The following PPM1H variants were observed in gnomAD, a reference collection of about 807,000 sequenced individuals.
The protein encoded by PPM1H is protein phosphatase 1H.
A neutral mutation model predicts 54.9 loss-of-function variants in PPM1H; 27 were observed. The ratio of observed to expected loss-of-function variants is 0.49; its 90% CI spans 0.36 to 0.68. The LOEUF is 0.68. Among genes scored for constraint, PPM1H ranks in the 30% least tolerant of loss-of-function variants. The pLI, the probability that PPM1H is intolerant of heterozygous loss-of-function variation, is 0.00. For synonymous variants in PPM1H, 305 were observed against 270.8 expected (o/e 1.13, Z -1.24); for missense variants, 596 against 667.8 (o/e 0.89, Z 1.19).
chr12:62,840,724 G>A (rs538569509), intron 1 of PPM1H, among the ~76,000 whole-genome samples: 1 of 152,290 alleles, frequency 6.6e-6, no homozygotes, highest in African/African-American at 2.4e-5. Flanking sequence ...CTTGGTGAGG[G>A]AGCTACATCA....
chr12:62,724,350 C>T (rs765820854), intron 5 of PPM1H, among the ~76,000 whole-genome samples: 18 of 152,144 alleles, frequency 1.2e-4, no homozygotes, highest in South Asian at 8.3e-4. Flanking sequence ...AGATTTCAGG[C>T]GCTTTGCCTC....
chr12:62,921,125 A>T (rs1871785468), intron 1 of PPM1H, among the ~76,000 whole-genome samples: 1 of 151,942 alleles, frequency 6.6e-6, no homozygotes, highest in Admixed American at 6.5e-5. Flanking sequence ...GGGTTTTGCC[A>T]TGTTGGCCAG....
intron 6 of PPM1H, among the ~76,000 whole-genome samples, chr12:62,718,311 G>C (rs1205016304): frequency 6.6e-6 from 1 of 152,056 alleles, no homozygotes; most frequent in African/African-American, 2.4e-5. Flanking sequence ...CATGTTTTCT[G>C]CTTCTATCCC....
intron 1 of PPM1H, among the ~76,000 whole-genome samples, chr12:62,890,755 CATAT>C (rs1183191864): frequency 1.7e-5 from 2 of 115,136 alleles, no homozygotes; most frequent in Non-Finnish European, 4.0e-5. Flanking sequence ...CACACACACA[CATAT>C]ATATATATGA....
Position 62,764,260 on chromosome 12 carries a change from A to G in PPM1H, c.869+23966T>C, listed in dbSNP as rs183915954. The stretch of plus-strand genomic sequence containing the variant: ...GTGGAGGCACCGTCTAGGGACACCA[A>G]TGTCCCCTGGCTTATGTCCTATATT... On this transcript the variant is annotated intron_variant, in intron 4 of 9. Coordinates refer to ENST00000228705, the MANE Select transcript of PPM1H (RefSeq NM_020700.2). Among the ~76,000 whole-genome samples the G allele has an allele frequency of 5.9e-5, 9 of 152,264 alleles. No individual in the cohort carries two copies. The East Asian group carries it at 1.4e-3, about 23-fold the overall frequency.
chr12:62,698,032 T>C (rs2076123505), intron 6 of PPM1H, among the ~76,000 whole-genome samples: 1 of 152,190 alleles, frequency 6.6e-6, no homozygotes, highest in Non-Finnish European at 1.5e-5. Context: ...GGCATTATTC[T>C]CAGAAGTTTC....
chr12:62,832,308 G>C (rs1361669528), intron 1 of PPM1H, 29 bp from the exon 2 acceptor site: 2 of 1,583,392 alleles, frequency 1.3e-6, no homozygotes, highest in Non-Finnish European at 1.7e-6. Flanking sequence ...AAGCTGGTCA[G>C]ACAGACCGAT....
At chr12:62,668,267 CCCT>C (rs1175056853) in intron 8 of PPM1H, among the ~76,000 whole-genome samples, 1 of 152,158 alleles carries the variant, frequency 6.6e-6, no homozygotes, top group Non-Finnish European at 1.5e-5. Flanking sequence ...CACTGCTCTT[CCCT>C]CCTAATTTGG....
At chr12:62,721,605 G>T (rs1176896772) in intron 5 of PPM1H, among the ~76,000 whole-genome samples, 1 of 152,172 alleles carries the variant, frequency 6.6e-6, no homozygotes, top group African/African-American at 2.4e-5. Context: ...TTACAGAGAG[G>T]TTCTCCTGGG....
chr12:62,872,811 G>A (rs772108491), intron 1 of PPM1H, among the ~76,000 whole-genome samples: 21 of 152,228 alleles, frequency 1.4e-4, no homozygotes, highest in South Asian at 2.1e-4. Flanking sequence ...CAACTAAAAT[G>A]TATTTCCAGG....
At chr12:62,763,839 G>A (rs984539408) in intron 4 of PPM1H, among the ~76,000 whole-genome samples, 2 of 152,120 alleles carry the variant, frequency 1.3e-5, no homozygotes, top group African/African-American at 4.8e-5. Context: ...CATTTGCTGA[G>A]CTTGCTACCA....
At chr12:62,859,441 G>C (rs770114057) in intron 1 of PPM1H, among the ~76,000 whole-genome samples, 1 of 152,128 alleles carries the variant, frequency 6.6e-6, no homozygotes, top group African/African-American at 2.4e-5. Flanking sequence ...AAACAGCATG[G>C]TGCATTATCT....
At chr12:62,677,437 T>C (rs1300873816) in intron 8 of PPM1H, among the ~76,000 whole-genome samples, 2 of 152,114 alleles carry the variant, frequency 1.3e-5, no homozygotes, top group Non-Finnish European at 2.9e-5. Context: ...CGAGCCAGGG[T>C]TGTGATGCCC....
rs1036993811 is a variant in PPM1H, at chr12:62,889,550, C to T, written c.245+44942G>A. On this transcript the variant is annotated intron_variant, in intron 1 of 9. Transcript: ENST00000228705. ...AATGTAAAGTTACATTTATCAAGAA[C>T]GTCTAGTGTTGGCAAATGAACAAAT... Among the ~76,000 whole-genome samples, 14 of 152,020 alleles carry T rather than the reference C, an allele frequency of 9.2e-5. 1 individual carries two copies. The highest frequency in any genetic ancestry group is 2.1e-4 in the South Asian group (1 of 4,820).
At chr12:62,870,727 A>T (rs1869945288) in intron 1 of PPM1H, among the ~76,000 whole-genome samples, 1 of 152,224 alleles carries the variant, frequency 6.6e-6, no homozygotes. Flanking sequence ...TGCTAATATT[A>T]GACTCTTATA....
intron 1 of PPM1H, among the ~76,000 whole-genome samples, chr12:62,898,250 T>G (rs1310282668): frequency 1.3e-5 from 2 of 152,208 alleles, no homozygotes; most frequent in Non-Finnish European, 2.9e-5. Context: ...AACTCTGTTT[T>G]TTCTTTTAAA....
intron 9 of PPM1H, among the ~76,000 whole-genome samples, chr12:62,649,840 C>G (rs1349306045): frequency 6.6e-6 from 1 of 152,222 alleles, no homozygotes; most frequent in Non-Finnish European, 1.5e-5. Flanking sequence ...GAGACCAACT[C>G]TGATAATGAA....
chr12:62,851,306 A>G (rs1592635282), intron 1 of PPM1H, among the ~76,000 whole-genome samples: 1 of 152,352 alleles, frequency 6.6e-6, no homozygotes, highest in East Asian at 1.9e-4. Context: ...AGGGGCTATC[A>G]CTGGTTAATT....
At chr12:62,743,587 T>C (rs1176331837) in intron 4 of PPM1H, among the ~76,000 whole-genome samples, 2 of 152,112 alleles carry the variant, frequency 1.3e-5, no homozygotes, top group Admixed American at 6.5e-5. Flanking sequence ...GGATGGTCAC[T>C]TCGAATATTA....
Sources: allele counts gnomAD v4.1 joint callset (sites outside exome capture counted in the v4.1 genomes callset), GRCh38; gene constraint gnomAD v4.1.1; transcripts MANE v1.5; gene names NCBI Gene and HGNC (gene_info 2026-07-23, HGNC 2026-07-21).